BRINP3: variants seen among roughly 807,000 people sequenced by gnomAD.
BRINP3 encodes the protein BMP/retinoic acid inducible neural specific 3, also known as BMP/retinoic acid-inducible neural-specific protein 3.
In BRINP3, 19 loss-of-function variants were observed where a neutral mutation model predicts 71.0. That is an observed-to-expected ratio of 0.27 (90% CI 0.19 to 0.39). BRINP3 has a LOEUF of 0.39. BRINP3 is among the 10% of genes least tolerant of loss of function. The pLI is 1.00. For synonymous variants in BRINP3, 380 were observed against 337.7 expected (o/e 1.13, Z -1.37); for missense variants, 959 against 940.8 (o/e 1.02, Z -0.25).
Position 190,175,954 on chromosome 1 carries a change from G to C in BRINP3, c.962-15064C>G, listed in dbSNP as rs184864502. On this transcript the variant is annotated intron_variant, in intron 6 of 7. Transcript: ENST00000367462. ...CTAACTTCATGCCCTGGAACATAAG[G>C]CCCTCCTGGTTTTCACAGCTTGGGA... Among the ~76,000 whole-genome samples, 404 of 152,212 alleles carry C rather than the reference G, an allele frequency of 2.7e-3. 2 individuals carry two copies. The highest frequency in any genetic ancestry group is 8.8e-3 in the African/African-American group (367 of 41,564).
chr1:190,316,095 G>A (rs1017274598), intron 2 of BRINP3, among the ~76,000 whole-genome samples: 5 of 151,406 alleles, frequency 3.3e-5, no homozygotes, highest in African/African-American at 1.2e-4. Context: ...GCAACGTGGG[G>A]CCCAGAATGA....
intron 7 of BRINP3, among the ~76,000 whole-genome samples, chr1:190,113,268 C>T (rs1289630657): frequency 2.6e-5 from 4 of 152,004 alleles, no homozygotes; most frequent in Admixed American, 1.3e-4. Flanking sequence ...AATTATCATT[C>T]TCCCACTCCT....
intron 2 of BRINP3, among the ~76,000 whole-genome samples, chr1:190,352,952 G>A (rs1668493387): frequency 6.6e-6 from 1 of 150,496 alleles, no homozygotes; most frequent in South Asian, 2.1e-4. Flanking sequence ...ACTATTTTCT[G>A]TAACATACAG....
chr1:190,431,669 A>G (rs893762902), intron 2 of BRINP3, among the ~76,000 whole-genome samples: 1 of 152,116 alleles, frequency 6.6e-6, no homozygotes, highest in African/African-American at 2.4e-5. Flanking sequence ...TAAAATAATC[A>G]TATTAATAAA....
intron 2 of BRINP3, among the ~76,000 whole-genome samples, chr1:190,364,300 A>G (rs1043368279): frequency 4.6e-5 from 7 of 152,096 alleles, no homozygotes; most frequent in Admixed American, 6.6e-5. Context: ...CTGTATCAGG[A>G]ATCTACCCTT....
chr1:190,128,167 T>C (rs1014042221), intron 7 of BRINP3, among the ~76,000 whole-genome samples: 2 of 151,778 alleles, frequency 1.3e-5, no homozygotes, highest in Non-Finnish European at 2.9e-5. Context: ...AGTTACTTCT[T>C]TGAACTTCGT....
chr1:190,115,603 C>A (rs572623406), intron 7 of BRINP3, among the ~76,000 whole-genome samples: 1 of 152,082 alleles, frequency 6.6e-6, no homozygotes, highest in African/African-American at 2.4e-5. Context: ...GCAATACAAA[C>A]TAAGCTTAAA....
chr1:190,318,819 T>C (rs1666050595), intron 2 of BRINP3, among the ~76,000 whole-genome samples: 1 of 152,136 alleles, frequency 6.6e-6, no homozygotes, highest in African/African-American at 2.4e-5. Context: ...CTTTAATTAC[T>C]TTATCTTCTT....
At chr1:190,411,615 A>G (rs1275462914) in intron 2 of BRINP3, among the ~76,000 whole-genome samples, 2 of 152,196 alleles carry the variant, frequency 1.3e-5, no homozygotes, top group African/African-American at 4.8e-5. Context: ...TGAAATGATA[A>G]CTAAAGATGA....
chr1:190,109,932 C>G (rs1418105732), intron 7 of BRINP3, among the ~76,000 whole-genome samples: 1 of 152,190 alleles, frequency 6.6e-6, no homozygotes, highest in Admixed American at 6.5e-5. Context: ...GGTTCTCCAG[C>G]TTGCAGGTGA....
At chr1:190,140,114 TAAA>T (rs1655307926) in intron 7 of BRINP3, among the ~76,000 whole-genome samples, 2 of 152,208 alleles carry the variant, frequency 1.3e-5, no homozygotes, top group Non-Finnish European at 2.9e-5. Flanking sequence ...GGAAATAGGT[TAAA>T]AATATTTTAG....
At chr1:190,466,795 G>A (rs933491440) in intron 1 of BRINP3, among the ~76,000 whole-genome samples, 1 of 150,890 alleles carries the variant, frequency 6.6e-6, no homozygotes, top group African/African-American at 2.4e-5. Context: ...GCATGTAGAA[G>A]GTCCTAAATA....
At chr1:190,444,562 G>A (rs1414788382) in intron 2 of BRINP3, among the ~76,000 whole-genome samples, 1 of 151,544 alleles carries the variant, frequency 6.6e-6, no homozygotes, top group East Asian at 1.9e-4. Context: ...TTGAGACAGA[G>A]TCTTGCTCTG....
At chr1:190,169,206 G>T (rs1651809418) in intron 6 of BRINP3, among the ~76,000 whole-genome samples, 1 of 152,160 alleles carries the variant, frequency 6.6e-6, no homozygotes, top group African/African-American at 2.4e-5. Flanking sequence ...TGGTGATTCT[G>T]TGCACATTTG....
chr1:190,371,935 C>T (rs1232009351), intron 2 of BRINP3, among the ~76,000 whole-genome samples: 1 of 152,106 alleles, frequency 6.6e-6, no homozygotes, highest in Non-Finnish European at 1.5e-5. Context: ...TTCACGGTGA[C>T]ATAAGCTTCA....
At chr1:190,143,919 C>T (rs1334848494) in intron 7 of BRINP3, among the ~76,000 whole-genome samples, 2 of 152,082 alleles carry the variant, frequency 1.3e-5, no homozygotes, top group African/African-American at 4.8e-5. Context: ...ATAATTTTAT[C>T]AAATAATATG....
rs572862556 is a variant in BRINP3, at chr1:190,219,951, T to C, written c.961+6131A>G. 6.6e-5 allele frequency among the ~76,000 whole-genome samples: 10 copies of C among 151,548 alleles called. No individual in the cohort carries two copies. The South Asian group carries it at 1.0e-3, about 16-fold the overall frequency. On this transcript the variant is annotated intron_variant, in intron 6 of 7. Transcript: ENST00000367462. Reference sequence around the variant, plus strand: ...CATGAAAAGGAACAAAGACCACCTATAAGATACAGAAAATTACCTCAAAAG... The same window carrying C: ...CATGAAAAGGAACAAAGACCACCTACAAGATACAGAAAATTACCTCAAAAG...
chr1:190,412,395 TTATATA>T (rs10552194), intron 2 of BRINP3, among the ~76,000 whole-genome samples: 38 of 134,996 alleles, frequency 2.8e-4, no homozygotes, highest in African/African-American at 9.4e-4. Context: ...TATATATATA[TTATATA>T]TATATATATA....
At chr1:190,211,948 G>A (rs1279839426) in intron 6 of BRINP3, among the ~76,000 whole-genome samples, 3 of 152,022 alleles carry the variant, frequency 2.0e-5, no homozygotes, top group Admixed American at 2.0e-4. Context: ...AAATCAAACT[G>A]GTTTTGCATA....
Sources: gnomAD v4.1 joint callset for allele counts (sites outside exome capture counted in the v4.1 genomes callset) on GRCh38, gnomAD v4.1.1 for gene constraint, MANE v1.5 for transcripts, NCBI Gene and HGNC (gene_info 2026-07-23, HGNC 2026-07-21) for gene names.